The following TMTC2 variants were observed in gnomAD, a reference collection of about 807,000 sequenced individuals.
TMTC2 encodes transmembrane O-mannosyltransferase targeting cadherins 2, also known as protein O-mannosyl-transferase TMTC2.
A neutral mutation model predicts 82.4 loss-of-function variants in TMTC2; 43 were observed. The observed-to-expected ratio is 0.52, with a 90% confidence interval of 0.41 to 0.67. The LOEUF (loss-of-function observed/expected upper bound fraction) is 0.67. Ranked by LOEUF, TMTC2 falls within the 30% of genes least tolerant of loss-of-function variation. The probability of loss-of-function intolerance (pLI) is 0.00; values close to 1 mark genes in which losing one functional copy is unlikely to be tolerated. For synonymous variants in TMTC2, 408 were observed against 381.9 expected, an observed-to-expected ratio of 1.07 and a Z score of -0.80; for missense variants, 919 against 1,012.4, an observed-to-expected ratio of 0.91 and a Z score of 1.25.
At chr12:82,722,094 C>T (rs1251965165) in intron 1 of TMTC2, among the ~76,000 whole-genome samples, 1 of 152,168 alleles carries the variant, frequency 6.6e-6, no homozygotes, top group African/African-American at 2.4e-5. Context: ...TGTTCACCAG[C>T]TCTCCCATTT....
intron 11 of TMTC2, among the ~76,000 whole-genome samples, chr12:83,111,961 C>T (rs1884614044): frequency 6.6e-6 from 1 of 150,906 alleles, no homozygotes. Context: ...AAAAAAACAT[C>T]CAGGTATGGT....
chr12:83,071,923 G>A (rs1004605572), intron 11 of TMTC2, among the ~76,000 whole-genome samples: 2 of 151,946 alleles, frequency 1.3e-5, no homozygotes, highest in African/African-American at 2.4e-5. Flanking sequence ...CTTGCTAAAG[G>A]TCTATCAATT....
chr12:82,710,303 T>C (rs1363743516), intron 1 of TMTC2, among the ~76,000 whole-genome samples: 1 of 152,216 alleles, frequency 6.6e-6, no homozygotes, highest in Non-Finnish European at 1.5e-5. Context: ...ACAGTGATCA[T>C]TTTGAGCTGT....
chr12:82,802,027 C>T (rs1029213967), intron 1 of TMTC2, among the ~76,000 whole-genome samples: 10 of 141,044 alleles, frequency 7.1e-5, no homozygotes, highest in East Asian at 5.8e-4. Context: ...AGTCCCACGC[C>T]GTGCGCCCAC....
intron 2 of TMTC2, among the ~76,000 whole-genome samples, chr12:82,888,160 T>G (rs1416220264): frequency 1.3e-5 from 2 of 152,200 alleles, no homozygotes; most frequent in African/African-American, 4.8e-5. Context: ...TGTGAACAAT[T>G]AGGTGAATTA....
Position 82,982,971 on chromosome 12 carries a change from G to A in TMTC2, c.1949-2954G>A, listed in dbSNP as rs576489004. Among the ~76,000 whole-genome samples the A allele has an allele frequency of 6.6e-5, 10 of 152,004 alleles. No individual in the cohort carries two copies. In the East Asian group the frequency reaches 7.7e-4, roughly 12 times the overall value. ...CATTCCTTGGTAAGCAATGAGATAC[G>A]TTTATAAAGCAACTATTATAGAAAT... On this transcript the variant is annotated intron_variant, in intron 7 of 11. Coordinates refer to ENST00000321196, the MANE Select transcript of TMTC2 (RefSeq NM_152588.3).
intron 11 of TMTC2, among the ~76,000 whole-genome samples, chr12:83,123,377 A>G (rs1453211845): frequency 6.6e-6 from 1 of 152,196 alleles, no homozygotes; most frequent in Non-Finnish European, 1.5e-5. Context: ...ATCTGTCAGA[A>G]TTTGCCTTGC....
intron 8 of TMTC2, among the ~76,000 whole-genome samples, chr12:83,019,559 A>G (rs773227606): frequency 2.0e-5 from 3 of 152,106 alleles, no homozygotes; most frequent in Non-Finnish European, 2.9e-5. Flanking sequence ...AAGTAGGCCA[A>G]TCTCAACAAT....
At chr12:82,904,825 T>G (rs1194454208) in intron 3 of TMTC2, among the ~76,000 whole-genome samples, 6 of 152,180 alleles carry the variant, frequency 3.9e-5, no homozygotes, top group Admixed American at 3.9e-4. Flanking sequence ...CCCATGTGGC[T>G]CTAGTCTCTG....
chr12:82,770,687 G>A (rs1259660066), intron 1 of TMTC2, among the ~76,000 whole-genome samples: 2 of 152,080 alleles, frequency 1.3e-5, no homozygotes, highest in Non-Finnish European at 2.9e-5. Context: ...GGGTCTCCCT[G>A]TGTTGCCCAG....
intron 11 of TMTC2, among the ~76,000 whole-genome samples, chr12:83,113,698 A>T (rs556778905): frequency 5.3e-5 from 8 of 152,230 alleles, no homozygotes; most frequent in Admixed American, 4.6e-4. Context: ...ATGTGTGAAG[A>T]CCTCGCATCA....
chr12:82,688,080 C>A (rs148207272), intron 1 of TMTC2, among the ~76,000 whole-genome samples: 1 of 152,286 alleles, frequency 6.6e-6, no homozygotes, highest in Non-Finnish European at 1.5e-5. Flanking sequence ...CTCCCTGTCC[C>A]GTTTCCTTTT....
chr12:83,059,115 G>A (rs1404919342), intron 10 of TMTC2, among the ~76,000 whole-genome samples: 2 of 151,718 alleles, frequency 1.3e-5, no homozygotes, highest in African/African-American at 4.8e-5. Flanking sequence ...TAATAGTCTC[G>A]GGAACCTGAG....
chr12:82,883,785 C>G (rs928902700), intron 2 of TMTC2, among the ~76,000 whole-genome samples: 3 of 152,172 alleles, frequency 2.0e-5, no homozygotes, highest in Admixed American at 1.3e-4. Flanking sequence ...TACTTCTCCT[C>G]CCATTAGTTG....
chr12:83,085,599 T>C (rs546109959), intron 11 of TMTC2, among the ~76,000 whole-genome samples: 1 of 152,196 alleles, frequency 6.6e-6, no homozygotes, highest in African/African-American at 2.4e-5. Flanking sequence ...CAGAAAAATA[T>C]TGACATTTGA....
intron 2 of TMTC2, among the ~76,000 whole-genome samples, chr12:82,892,890 C>T (rs1239453583): frequency 6.6e-6 from 1 of 152,056 alleles, no homozygotes. Context: ...TAAGAGTACT[C>T]AATTATGTGA....
intron 8 of TMTC2, among the ~76,000 whole-genome samples, chr12:83,009,146 G>A (rs1880335245): frequency 6.6e-6 from 1 of 152,104 alleles, no homozygotes; most frequent in African/African-American, 2.4e-5. Flanking sequence ...CCAAAGCTCT[G>A]GGGAAGGCTC....
chr12:82,805,730 C>T (rs1362574459), intron 1 of TMTC2, among the ~76,000 whole-genome samples: 4 of 151,912 alleles, frequency 2.6e-5, no homozygotes, highest in Non-Finnish European at 4.4e-5. Context: ...TGGTCTCGAT[C>T]TCCTGACCTT....
At chr12:82,936,858 C>G (rs1217689722) in intron 4 of TMTC2, among the ~76,000 whole-genome samples, 1 of 152,022 alleles carries the variant, frequency 6.6e-6, no homozygotes, top group Non-Finnish European at 1.5e-5. Context: ...ATTGTATCCC[C>G]CATCCCTAGA....
Sources: allele counts gnomAD v4.1 joint callset (sites outside exome capture counted in the v4.1 genomes callset), GRCh38; gene constraint gnomAD v4.1.1; transcripts MANE v1.5; gene names NCBI Gene and HGNC (gene_info 2026-07-23, HGNC 2026-07-21).